Variants in ACSS3 observed in about 807,000 individuals in gnomAD.
ACSS3 encodes acyl-CoA synthetase short-chain family member 3, mitochondrial.
Under a neutral mutation model 84.2 loss-of-function variants are expected in ACSS3, and 64 were observed. That is an observed-to-expected ratio of 0.76 (90% CI 0.62 to 0.94). ACSS3 has a LOEUF of 0.94. Among genes scored for constraint, ACSS3 ranks in the 40% least tolerant of loss-of-function variants. The pLI is 0.00. For synonymous variants in ACSS3, 317 were observed against 310.1 expected, an observed-to-expected ratio of 1.02 and a Z score of -0.23; for missense variants, 815 against 867.6, an observed-to-expected ratio of 0.94 and a Z score of 0.76.
chr12:81,254,807 T>G, intron 15 of ACSS3, 50 bp from the exon 16 acceptor site: 2 of 1,357,874 alleles, frequency 1.5e-6, no homozygotes, highest in Non-Finnish European at 2.1e-6. Context: ...ATAGAAAGAG[T>G]AGAAGAAATT....
At chr12:81,213,896 T>TTTTC (rs766962318) in intron 9 of ACSS3, among the ~76,000 whole-genome samples, 1,997 of 91,280 alleles carry the variant, frequency 0.022, 164 homozygotes, top group East Asian at 0.049. Context: ...TTTCTTTCTT[T>TTTTC]CTTTTGTCCT....
At chr12:81,193,043 TA>T in intron 8 of ACSS3, among the ~76,000 whole-genome samples, 1 of 152,296 alleles carries the variant, frequency 6.6e-6, no homozygotes, top group South Asian at 2.1e-4. Flanking sequence ...GGCAAAATGC[TA>T]TTCAGCCATT....
intron 7 of ACSS3, among the ~76,000 whole-genome samples, chr12:81,154,898 C>T (rs1886786479): frequency 6.6e-6 from 1 of 152,080 alleles, no homozygotes; most frequent in Non-Finnish European, 1.5e-5. Flanking sequence ...TCCTGTCTTT[C>T]CTTTCTTGGT....
intron 11 of ACSS3, among the ~76,000 whole-genome samples, chr12:81,222,301 T>A (rs966661900): frequency 2.0e-5 from 3 of 152,052 alleles, no homozygotes; most frequent in African/African-American, 7.2e-5. Flanking sequence ...ATATTATAAA[T>A]CTTTTTGTAT....
At chr12:81,150,263 T>C (rs1248993226) in intron 5 of ACSS3, among the ~76,000 whole-genome samples, 1 of 152,226 alleles carries the variant, frequency 6.6e-6, no homozygotes, top group Non-Finnish European at 1.5e-5. Flanking sequence ...ACATGTTTAA[T>C]TGAAATTATT....
chr12:81,187,352 G>T (rs1170945186), intron 8 of ACSS3, among the ~76,000 whole-genome samples: 2 of 151,604 alleles, frequency 1.3e-5, no homozygotes, highest in Non-Finnish European at 3.0e-5. Flanking sequence ...AATTAAACAA[G>T]AAAATGTACA....
At chr12:81,243,294 G>C (rs2033872441) in intron 13 of ACSS3, among the ~76,000 whole-genome samples, 1 of 152,056 alleles carries the variant, frequency 6.6e-6, no homozygotes, top group Non-Finnish European at 1.5e-5. Context: ...TAAGAATCCA[G>C]CTTACAACGG....
At chr12:81,201,929 T>C (rs533610084) in intron 9 of ACSS3, among the ~76,000 whole-genome samples, 27 of 152,282 alleles carry the variant, frequency 1.8e-4, no homozygotes, top group African/African-American at 6.5e-4. Flanking sequence ...TACGTTTGCA[T>C]AGAAAAAAAT....
chr12:81,179,408 A>C (rs969528845), intron 8 of ACSS3, among the ~76,000 whole-genome samples: 1 of 152,000 alleles, frequency 6.6e-6, no homozygotes. Flanking sequence ...AGAGTATGGG[A>C]GACAATATCT....
At chr12:81,184,392 A>G (rs1241699594) in intron 8 of ACSS3, among the ~76,000 whole-genome samples, 2 of 151,858 alleles carry the variant, frequency 1.3e-5, no homozygotes, top group Non-Finnish European at 2.9e-5. Context: ...ATGCAAAACG[A>G]ATAAACAACT....
intron 8 of ACSS3, among the ~76,000 whole-genome samples, chr12:81,194,537 G>T (rs1203419541): frequency 6.6e-6 from 1 of 151,832 alleles, no homozygotes; most frequent in Non-Finnish European, 1.5e-5. Context: ...ATAGTAAAGT[G>T]ATTTTAATGG....
chr12:81,179,287 A>AG (rs1266431608), intron 8 of ACSS3, among the ~76,000 whole-genome samples: 2 of 149,156 alleles, frequency 1.3e-5, no homozygotes, highest in African/African-American at 4.9e-5. Flanking sequence ...AAAAAAAAAA[A>AG]AAGAAAAAGA....
intron 7 of ACSS3, among the ~76,000 whole-genome samples, chr12:81,155,778 T>C (rs1238510098): frequency 6.6e-6 from 1 of 152,236 alleles, no homozygotes; most frequent in East Asian, 1.9e-4. Flanking sequence ...TGATATGATG[T>C]GTGCCTATAC....
chr12:81,191,774 G>C (rs10778801), intron 8 of ACSS3, among the ~76,000 whole-genome samples: 40,175 of 151,748 alleles, frequency 0.26, 5,454 homozygotes, highest in East Asian at 0.49. Context: ...CACAGGCTCT[G>C]TTTGATGATT....
At chr12:81,101,003 A>G (rs1882467459) in intron 1 of ACSS3, among the ~76,000 whole-genome samples, 1 of 152,216 alleles carries the variant, frequency 6.6e-6, no homozygotes, top group Admixed American at 6.5e-5. Flanking sequence ...ATGATGATTG[A>G]TAGCATATCT....
chr12:81,253,322 G>A lies in ACSS3; in HGVS notation c.1735G>A (p.Gly579Ser), dbSNP rs762107489. 5 of 1,613,732 alleles carry A rather than the reference G, an allele frequency of 3.1e-6. No individual in the cohort carries two copies. The Admixed American group carries it at 8.3e-5, about 27-fold the overall frequency. Residue 579 changes from glycine (G) to serine (S), a missense_variant, in exon 14 of 16, where the codon GGT (glycine) becomes AGT (serine). Coordinates refer to ENST00000548058, the MANE Select transcript of ACSS3 (RefSeq NM_024560.4). ...GAIEESILSH[G>S]TVADCAVVGK... ...CTTATTACAGTCAATCCTTTCCCAT[G>A]GTACCGTGGCAGACTGTGCTGTTGT...
chr12:81,127,167 C>G (rs1288383582), intron 2 of ACSS3, among the ~76,000 whole-genome samples: 3 of 151,722 alleles, frequency 2.0e-5, no homozygotes, highest in Non-Finnish European at 2.9e-5. Context: ...ATTGGCTTAG[C>G]ATAATATCAT....
chr12:81,239,527 G>A (rs1238734118), intron 13 of ACSS3, among the ~76,000 whole-genome samples: 1 of 151,968 alleles, frequency 6.6e-6, no homozygotes, highest in East Asian at 1.9e-4. Flanking sequence ...GGCTGGGGAG[G>A]CCTCACAATC....
intron 9 of ACSS3, among the ~76,000 whole-genome samples, chr12:81,206,333 A>C (rs1261280749): frequency 6.6e-6 from 1 of 152,126 alleles, no homozygotes; most frequent in African/African-American, 2.4e-5. Context: ...GAACCGGCAA[A>C]ACATGACCCC....
Sources: gnomAD v4.1 joint callset for allele counts (sites outside exome capture counted in the v4.1 genomes callset) on GRCh38, gnomAD v4.1.1 for gene constraint, MANE v1.5 for transcripts, NCBI Gene and HGNC (gene_info 2026-07-23, HGNC 2026-07-21) for gene names.